Variants in ENKUR observed in about 807,000 individuals in gnomAD.
The protein encoded by ENKUR is enkurin, TRPC channel interacting protein, also known as enkurin.
Under a neutral mutation model 27.6 loss-of-function variants are expected in ENKUR, and 19 were observed. The ratio of observed to expected loss-of-function variants is 0.69; its 90% CI spans 0.48 to 1.01. ENKUR has a LOEUF of 1.01. ENKUR is among the 50% of genes least tolerant of loss of function. The pLI is 0.00. For synonymous variants in ENKUR, 117 were observed against 96.9 expected (o/e 1.21, Z -1.22); for missense variants, 312 against 310.5 (o/e 1.00, Z -0.04).
intron 2 of ENKUR, among the ~76,000 whole-genome samples, chr10:25,058,181 C>G (rs145915840): frequency 7.2e-5 from 11 of 152,038 alleles, no homozygotes; most frequent in African/African-American, 2.7e-4. Context: ...TGTCCTCTAT[C>G]ACTCAATTTT....
chr10:25,032,793 C>T (rs914628318), intron 2 of ENKUR, among the ~76,000 whole-genome samples: 4 of 152,112 alleles, frequency 2.6e-5, no homozygotes, highest in African/African-American at 9.7e-5. Flanking sequence ...CAGCTTATGA[C>T]TTTCCTTTTT....
At chr10:25,059,128 C>A (rs868263520) in intron 2 of ENKUR, among the ~76,000 whole-genome samples, 1 of 128,180 alleles carries the variant, frequency 7.8e-6, no homozygotes, top group Non-Finnish European at 1.6e-5. Flanking sequence ...TATTCTTTTT[C>A]TTTCTTTTTT....
chr10:25,002,428 A>C (rs188017596), intron 1 of ENKUR, among the ~76,000 whole-genome samples: 1 of 152,232 alleles, frequency 6.6e-6, no homozygotes, highest in East Asian at 1.9e-4. Flanking sequence ...GGAGACTCCT[A>C]GGCTTTGTTT....
chr10:25,054,508 TCTTTCCTTTCTTTCTTTCTTTC>T (rs1851228170), intron 2 of ENKUR, among the ~76,000 whole-genome samples: 1 of 110,198 alleles, frequency 9.1e-6, no homozygotes, highest in African/African-American at 3.7e-5. Flanking sequence ...TTTCTTTCTT[TCTTTCCTTTCTTTCTTTCTTTC>T]CTTTCTTTCT....
At chr10:25,002,894 G>C (rs1492608) in intron 1 of ENKUR, among the ~76,000 whole-genome samples, 1 of 151,290 alleles carries the variant, frequency 6.6e-6, no homozygotes, top group Non-Finnish European at 1.5e-5. Flanking sequence ...ATATGGTCTC[G>C]TGATTAATAA....
chr10:25,038,996 T>C (rs1472684081), intron 2 of ENKUR, among the ~76,000 whole-genome samples: 2 of 152,210 alleles, frequency 1.3e-5, no homozygotes, highest in African/African-American at 4.8e-5. Context: ...GATGTCTCTA[T>C]ATTGAACTCA....
intron 2 of ENKUR, among the ~76,000 whole-genome samples, chr10:25,045,873 T>G (rs1030865680): frequency 1.3e-5 from 2 of 152,170 alleles, no homozygotes; most frequent in Admixed American, 1.3e-4. Flanking sequence ...TATGCAGCAA[T>G]TCTACCAAAG....
intron 1 of ENKUR, among the ~76,000 whole-genome samples, chr10:25,010,480 CATGTGCACAAT>C (rs1850416357): frequency 6.6e-6 from 1 of 151,748 alleles, no homozygotes; most frequent in Non-Finnish European, 1.5e-5. Flanking sequence ...TTTTAGGGTA[CATGTGCACAAT>C]GTGCAGGTTA....
intron 2 of ENKUR, among the ~76,000 whole-genome samples, chr10:24,997,393 T>C (rs78271172): frequency 1.4e-5 from 2 of 147,134 alleles, no homozygotes; most frequent in Admixed American, 6.7e-5. Flanking sequence ...TTTTTTTTTT[T>C]CCTCTTTTTT....
At chr10:25,025,403 T>C (rs765473615) in intron 2 of ENKUR, 29 of 1,613,976 alleles carry the variant, frequency 1.8e-5, no homozygotes, top group Middle Eastern at 1.6e-4. Flanking sequence ...GCAGCTGATA[T>C]GAATGTCTTG....
chr10:25,055,077 C>G (rs750688983), intron 2 of ENKUR, among the ~76,000 whole-genome samples: 58 of 152,250 alleles, frequency 3.8e-4, no homozygotes, highest in Non-Finnish European at 6.8e-4. Context: ...CCAGAACTCA[C>G]ATCTAAATCT....
In ENKUR at chr10:24,995,862, G is replaced by T; in HGVS notation, c.231C>A (p.Asn77Lys). 6.2e-7 allele frequency: 1 copy of T among 1,600,808 alleles called. No individual in the cohort carries two copies. Among genetic ancestry groups the T allele is most frequent in the Non-Finnish European group, 8.5e-7 (1 of 1,176,158 alleles). ...GCTTTTTGGGCACGTTCCGATCAAAGTTTTTTTCTGTTAAATATAACATTT... is the reference window on the plus strand; with the variant it reads ...GCTTTTTGGGCACGTTCCGATCAAATTTTTTTTCTGTTAAATATAACATTT... ...SKEKTLPPKK[N>K]FDRNVPKKPA... Residue 77 changes from asparagine (N) to lysine (K), a missense_variant, in exon 3 of 6, where the codon AAC becomes AAA. Transcript: ENST00000331161.
chr10:25,060,527 A>T (rs949228160), intron 2 of ENKUR, among the ~76,000 whole-genome samples: 5 of 152,214 alleles, frequency 3.3e-5, no homozygotes, highest in Non-Finnish European at 5.9e-5. Context: ...TACTCTCCAC[A>T]TAAGCATAAA....
intron 2 of ENKUR, among the ~76,000 whole-genome samples, chr10:25,045,706 T>C (rs79899167): frequency 0.017 from 2,582 of 152,230 alleles, 65 homozygotes; most frequent in African/African-American, 0.059. Context: ...ACAAAAAAAG[T>C]TAAAAGCCAT....
intron 2 of ENKUR, among the ~76,000 whole-genome samples, chr10:24,999,090 TG>T (rs2132694711): frequency 6.6e-6 from 1 of 152,328 alleles, no homozygotes; most frequent in African/African-American, 2.4e-5. Flanking sequence ...ATACTGTCCC[TG>T]GGGTCTTGAC....
At chr10:25,030,670 A>T (rs1249268000) in intron 2 of ENKUR, among the ~76,000 whole-genome samples, 1 of 152,112 alleles carries the variant, frequency 6.6e-6, no homozygotes, top group African/African-American at 2.4e-5. Context: ...CTCAATATGG[A>T]AATTTATGTC....
chr10:25,015,803 T>A, intron 1 of ENKUR, 57 bp downstream of exon 1: 1 of 1,472,234 alleles, frequency 6.8e-7, no homozygotes. Context: ...TATGCTTAAT[T>A]AATACTGAGT....
intron 4 of ENKUR, among the ~76,000 whole-genome samples, chr10:24,990,217 A>C (rs1054981554): frequency 2.0e-5 from 3 of 152,226 alleles, no homozygotes; most frequent in Non-Finnish European, 2.9e-5. Context: ...TCCTTACAAC[A>C]CTAGTTCAGG....
intron 1 of ENKUR, among the ~76,000 whole-genome samples, chr10:25,005,143 G>A (rs1850283198): frequency 6.6e-6 from 1 of 152,112 alleles, no homozygotes; most frequent in Non-Finnish European, 1.5e-5. Context: ...CCAGTACCAT[G>A]CTGTTTTGGT....
Sources: gnomAD v4.1 joint callset for allele counts (sites outside exome capture counted in the v4.1 genomes callset) on GRCh38, gnomAD v4.1.1 for gene constraint, MANE v1.5 for transcripts, NCBI Gene and HGNC (gene_info 2026-07-23, HGNC 2026-07-21) for gene names.